ANO10: variants seen among roughly 807,000 people sequenced by gnomAD.
ANO10 encodes the protein anoctamin 10, also known as anoctamin-10.
Under a neutral mutation model 74.7 loss-of-function variants are expected in ANO10, and 77 were observed. The observed-to-expected ratio is 1.03, with a 90% CI of 0.86 to 1.25. The LOEUF is 1.25. ANO10 is among the 50% of genes most tolerant of loss of function. ANO10 has a pLI of 0.00. For synonymous variants in ANO10, 279 were observed against 284.9 expected, an observed-to-expected ratio of 0.98 and a Z score of 0.21; for missense variants, 721 against 778.1, an observed-to-expected ratio of 0.93 and a Z score of 0.87.
chr3:43,671,200 A>G (rs1050104869), intron 1 of ANO10, among the ~76,000 whole-genome samples: 1 of 152,194 alleles, frequency 6.6e-6, no homozygotes, highest in African/African-American at 2.4e-5. Flanking sequence ...GGTCAACAAA[A>G]AAAGTTTATT....
chr3:43,453,910 G>C (rs764205245), intron 11 of ANO10, among the ~76,000 whole-genome samples: 2 of 152,190 alleles, frequency 1.3e-5, no homozygotes. Context: ...CCACATACCA[G>C]ACACTCTCTA....
At chr3:43,630,883 C>G (rs1438299754) in intron 1 of ANO10, among the ~76,000 whole-genome samples, 5 of 151,742 alleles carry the variant, frequency 3.3e-5, no homozygotes, top group Admixed American at 6.6e-5. Context: ...TCTTTGATGC[C>G]TTTTTTTTCC....
At chr3:43,385,597 G>C (rs1235414673) in intron 12 of ANO10, among the ~76,000 whole-genome samples, 5 of 152,120 alleles carry the variant, frequency 3.3e-5, no homozygotes, top group Admixed American at 3.3e-4. Context: ...CGAAATAATG[G>C]CATCCGCAGC....
At chr3:43,429,483 G>A (rs761525594) in intron 12 of ANO10, among the ~76,000 whole-genome samples, 10 of 152,080 alleles carry the variant, frequency 6.6e-5, no homozygotes, top group Non-Finnish European at 1.3e-4. Flanking sequence ...AGATATGTAT[G>A]CACCAGCCAG....
At position 43,600,597 on chromosome 3, in the gene ANO10, A is replaced by G. The variant is rs2082297721; in HGVS notation, c.140-16T>C. On this transcript the variant is annotated splice_polypyrimidine_tract_variant and intron_variant, in intron 2 of 12. Transcript: ENST00000292246. ...AACTGGGCACCTTCAAAAACAAAAG[A>G]TAAGCACAATCTTAGACAAACATAA... 1 of 1,572,680 alleles carries G rather than the reference A, an allele frequency of 6.4e-7. No individual in the cohort carries two copies. The highest frequency in any genetic ancestry group is 1.7e-5 in the Admixed American group (1 of 59,920).
At chr3:43,559,937 T>C (rs1466763351) in intron 9 of ANO10, among the ~76,000 whole-genome samples, 1 of 152,198 alleles carries the variant, frequency 6.6e-6, no homozygotes. Context: ...ATGCTTCATA[T>C]ATAAATATAA....
intron 12 of ANO10, chr3:43,372,745 G>T: frequency 9.0e-7 from 1 of 1,114,656 alleles, no homozygotes; most frequent in Non-Finnish European, 1.3e-6. Context: ...GTGGTCTCCA[G>T]AGAGCAGGGC....
chr3:43,435,812 T>C (rs2093057589), intron 11 of ANO10, among the ~76,000 whole-genome samples: 2 of 152,256 alleles, frequency 1.3e-5, no homozygotes, highest in Non-Finnish European at 2.9e-5. Context: ...TAGCTGTTGC[T>C]AGCAAGTTAT....
In ANO10 at chr3:43,605,743, T is replaced by C. The variant is rs200605930; in HGVS notation, c.110A>G (p.Asn37Ser). ...ATCTTTTTTTTTAGCTATAATTCTG[T>C]TTTTCAGCCATTCTTTGGTTTCTTC... ...VKEETKEWLK[N>S]RIIAKKKDGG... Residue 37 changes from asparagine to serine, a missense_variant, in exon 2 of 13, where the codon AAC (asparagine) becomes AGC (serine). By Grantham distance (46) the Asn-to-Ser change is conservative. Coordinates refer to ENST00000292246, the MANE Select transcript of ANO10 (RefSeq NM_018075.5). 1.2e-6 allele frequency: 2 copies of C among 1,613,708 alleles called. No homozygotes were observed. The highest frequency in any genetic ancestry group is 1.7e-6 in the Non-Finnish European group (2 of 1,179,730).
chr3:43,566,961 G>A (rs192951681), intron 7 of ANO10, among the ~76,000 whole-genome samples: 3,601 of 152,198 alleles, frequency 0.024, 146 homozygotes, highest in African/African-American at 0.081. Context: ...TCTATAACTA[G>A]AATAACCAAT....
chr3:43,554,287 G>A (rs545170251), intron 10 of ANO10, among the ~76,000 whole-genome samples: 8 of 150,420 alleles, frequency 5.3e-5, no homozygotes, highest in African/African-American at 1.2e-4. Flanking sequence ...TCTGCCTCTC[G>A]GCTTCAAGTG....
chr3:43,561,401 C>A lies in ANO10; in HGVS notation c.1295G>T (p.Ser432Ile), dbSNP rs1311129331. 6.2e-7 allele frequency: 1 copy of A among 1,613,858 alleles called. No individual in the cohort carries two copies. Reference protein sequence around the residue: ...VLKDMKLLRQSLATLLITSQI... With the variant: ...VLKDMKLLRQILATLLITSQI... ...GGAGGTAATTAGGAGAGTGGCCAAG[C>A]TCTAAAGAGAAGCACACAAATCACA... Residue 432 changes from serine to isoleucine, a missense_variant and splice_region_variant, in exon 9 of 13, where the codon AGC (serine) becomes ATC (isoleucine). Coordinates refer to ENST00000292246, the MANE Select transcript of ANO10 (RefSeq NM_018075.5).
At chr3:43,628,714 C>T (rs1173030257) in intron 1 of ANO10, among the ~76,000 whole-genome samples, 1 of 151,990 alleles carries the variant, frequency 6.6e-6, no homozygotes, top group Non-Finnish European at 1.5e-5. Context: ...TATAGATGGC[C>T]CCCCCGGGTG....
chr3:43,540,660 G>A (rs2149276473), intron 11 of ANO10, among the ~76,000 whole-genome samples: 1 of 152,274 alleles, frequency 6.6e-6, no homozygotes, highest in Middle Eastern at 3.4e-3. Context: ...CATAAACTCA[G>A]TGAGTGGACA....
At chr3:43,514,625 G>C (rs2077638114) in intron 11 of ANO10, among the ~76,000 whole-genome samples, 1 of 152,126 alleles carries the variant, frequency 6.6e-6, no homozygotes, top group South Asian at 2.1e-4. Context: ...CAGCCAACTT[G>C]ACCTAATTGT....
chr3:43,689,345 C>T (rs758768119), intron 1 of ANO10: 8 of 152,190 alleles, frequency 5.3e-5, no homozygotes, highest in Admixed American at 3.3e-4. Context: ...TGCTTCTGTC[C>T]GTAAGTTCCC....
At chr3:43,636,983 T>C (rs1311441569) in intron 1 of ANO10, among the ~76,000 whole-genome samples, 1 of 151,860 alleles carries the variant, frequency 6.6e-6, no homozygotes. Flanking sequence ...GGCAAAATGA[T>C]GAGACTCTGT....
chr3:43,607,544 C>T (rs370719788), intron 1 of ANO10, among the ~76,000 whole-genome samples: 2 of 152,028 alleles, frequency 1.3e-5, no homozygotes, highest in African/African-American at 2.4e-5. Flanking sequence ...CAGATAAAAT[C>T]CCCACTTTGA....
At chr3:43,641,531 C>T (rs1054853098) in intron 1 of ANO10, among the ~76,000 whole-genome samples, 3 of 152,176 alleles carry the variant, frequency 2.0e-5, no homozygotes, top group South Asian at 2.1e-4. Flanking sequence ...AAGCCAATAA[C>T]TGCTAATGAA....
Sources: gnomAD v4.1 joint callset for allele counts (sites outside exome capture counted in the v4.1 genomes callset) on GRCh38, gnomAD v4.1.1 for gene constraint, MANE v1.5 for transcripts, NCBI Gene and HGNC (gene_info 2026-07-23, HGNC 2026-07-21) for gene names.